ROPN1B: variants seen among roughly 807,000 people sequenced by gnomAD.
ROPN1B encodes the protein ropporin-1B.
In ROPN1B, 13 loss-of-function variants were observed where a neutral mutation model predicts 23.7. That is an observed-to-expected ratio of 0.55 (90% CI 0.36 to 0.87). The LOEUF (loss-of-function observed/expected upper bound fraction) is 0.87. ROPN1B is among the 40% of genes least tolerant of loss of function. The probability of loss-of-function intolerance (pLI) is 0.01; values close to 1 mark genes in which losing one functional copy is unlikely to be tolerated. For missense variants in ROPN1B, 183 were observed against 249.2 expected, an observed-to-expected ratio of 0.73 and a Z score of 1.79; for synonymous variants, 67 against 100.4, an observed-to-expected ratio of 0.67 and a Z score of 1.99.
At chr3:125,973,481 CTAATT>C (rs2107600079) in intron 3 of ROPN1B, 1 of 169,754 alleles carries the variant, frequency 5.9e-6, no homozygotes, top group South Asian at 1.3e-4. Flanking sequence ...CTTCAGAAGA[CTAATT>C]TATTTTGGCA....
intron 5 of ROPN1B, among the ~76,000 whole-genome samples, chr3:125,980,196 AC>A (rs1390958391): frequency 6.6e-6 from 1 of 152,242 alleles, no homozygotes; most frequent in Non-Finnish European, 1.5e-5. Flanking sequence ...ATGTCAGTTT[AC>A]CAAATAGCTC....
intron 3 of ROPN1B, among the ~76,000 whole-genome samples, chr3:125,974,926 G>A (rs183495027): frequency 2.6e-5 from 4 of 152,024 alleles, no homozygotes; most frequent in East Asian, 1.9e-4. Context: ...CACTACATAC[G>A]GCCAGAAATC....
At chr3:125,979,381 C>T (rs73861614) in intron 5 of ROPN1B, among the ~76,000 whole-genome samples, 3,335 of 152,226 alleles carry the variant, frequency 0.022, 97 homozygotes, top group East Asian at 0.15. Flanking sequence ...ATCTCAACTT[C>T]CAAGATGATG....
At chr3:125,969,657 T>C (rs1248410681) in intron 1 of ROPN1B, 3 of 149,952 alleles carry the variant, frequency 2.0e-5, no homozygotes, top group South Asian at 2.1e-4. Context: ...CGGAGGACAG[T>C]GGTTGGGAGG....
intron 3 of ROPN1B, chr3:125,973,306 T>A (rs1341216658): frequency 3.2e-6 from 1 of 311,820 alleles, no homozygotes; most frequent in Non-Finnish European, 6.3e-6. Context: ...TGGGCCAGTG[T>A]TGTGCTCCTG....
intron 5 of ROPN1B, among the ~76,000 whole-genome samples, chr3:125,981,890 T>C (rs1269563261): frequency 6.6e-6 from 1 of 152,150 alleles, no homozygotes; most frequent in Non-Finnish European, 1.5e-5. Context: ...GCTAGACCAT[T>C]TATCTCAGCC....
At position 125,982,334 on chromosome 3, in the gene ROPN1B, C is replaced by T. The variant is rs774828048; in HGVS notation, c.461C>T (p.Pro154Leu). The T allele has an allele frequency of 1.9e-6, 3 of 1,613,142 alleles. No individual in the cohort carries two copies. In the African/African-American group the frequency reaches 4.0e-5, roughly 22 times the overall value. ...VLSCDHNGGL[P>L]RIPFSTFQFL... ...TCATGTGACCACAATGGTGGGTTGCCCCGAATCCCATTCAGCACCTTCCAG... is the reference window on the plus strand; with the variant it reads ...TCATGTGACCACAATGGTGGGTTGCTCCGAATCCCATTCAGCACCTTCCAG... The change falls in exon 6 of 7, where the codon CCC (proline) becomes CTC (leucine). Residue 154 changes from proline to leucine, a missense_variant. Around this residue, in one of 3 missense-constraint regions of ROPN1B, gnomAD observed 80 missense variants for 98.0 expected, o/e 0.82. Transcript: ENST00000514116.
chr3:125,978,701 C>A (rs1938509021), intron 5 of ROPN1B, among the ~76,000 whole-genome samples: 1 of 152,146 alleles, frequency 6.6e-6, no homozygotes, highest in Admixed American at 6.5e-5. Context: ...TCTGAGGATG[C>A]CTCCCGAGCT....
Position 125,975,619 on chromosome 3 carries a change from G to A in ROPN1B, c.173G>A (p.Arg58Gln), listed in dbSNP as rs929066469. The A allele has an allele frequency of 1.3e-5, 21 of 1,614,018 alleles. No individual in the cohort carries two copies. Among genetic ancestry groups the A allele is most frequent in the African/African-American group, 5.3e-5 (4 of 74,908 alleles). ...ETPPVRERSE[R>Q]VALCNWAELT... is the part of the protein sequence containing the mutation. Reference sequence around the variant, plus strand: ...CCTCCGGTGAGAGAGCGGTCTGAGCGAGTCGCTTTGTGTAACTGGGCAGAG... The same window carrying A: ...CCTCCGGTGAGAGAGCGGTCTGAGCAAGTCGCTTTGTGTAACTGGGCAGAG... Residue 58 changes from arginine (R) to glutamine (Q), a missense_variant, in exon 4 of 7, where the codon CGA (arginine) becomes CAA (glutamine). Around this residue, in one of 3 missense-constraint regions of ROPN1B, gnomAD observed 97 missense variants for 99.6 expected, o/e 0.97. Transcript: ENST00000514116.
chr3:125,978,065 T>C (rs1185158263), intron 5 of ROPN1B: 1 of 152,226 alleles, frequency 6.6e-6, no homozygotes, highest in Non-Finnish European at 1.5e-5. Flanking sequence ...AGTCCAACTT[T>C]TCCTATAGCT....
intron 1 of ROPN1B, among the ~76,000 whole-genome samples, 196 bp from the exon 2 acceptor site, chr3:125,970,921 C>T (rs375443841): frequency 1.3e-5 from 2 of 152,286 alleles, no homozygotes; most frequent in African/African-American, 2.4e-5. Context: ...TGTTTCTCTC[C>T]TGACTAGAAG....
chr3:125,983,389 A>G lies in ROPN1B; in HGVS notation c.*69A>G. On this transcript the variant is annotated 3_prime_UTR_variant, in exon 7 of 7. Transcript: ENST00000514116. ...GTACTTCAGAATGATAAACCCATAT[A>G]CCACCTAAAATCAATTTTCTTGTAC... 9.6e-7 allele frequency: 1 copy of G among 1,044,956 alleles called. No homozygotes were observed. Among genetic ancestry groups the G allele is most frequent in the Non-Finnish European group, 1.5e-6 (1 of 666,090 alleles). 64.7% of individuals were successfully genotyped at this position (1,044,956 alleles called of 1,614,324 possible). A position where few individuals can be genotyped will look rare whatever the true frequency, so the allele number is the denominator to read the frequency against.
At position 125,972,162 on chromosome 3, in the gene ROPN1B, G is replaced by A; in HGVS notation, c.108G>A (p.Trp36Ter). The A allele has an allele frequency of 6.2e-7, 1 of 1,614,208 alleles. No individual in the cohort carries two copies. The highest frequency in any genetic ancestry group is 1.1e-5 in the South Asian group (1 of 91,082). Residue 36 changes from tryptophan (W) to a stop codon, truncating the protein, a stop_gained, in exon 3 of 7, where the codon TGG (tryptophan) becomes TGA (stop). Coordinates refer to ENST00000514116, the MANE Select transcript of ROPN1B (RefSeq NM_001308313.2). LOFTEE classifies it high-confidence loss of function. ...CGCAGCCGCAGGACCTCATCCAGTG[G>A]GGGGCCGAGTACGTGCTCCTTTCTC... Reference protein sequence around the residue: ...IRAQPQDLIQWGADYFEALSR... With the variant: ...IRAQPQDLIQ
chr3:125,970,947 G>A (rs1292182727), intron 1 of ROPN1B, among the ~76,000 whole-genome samples, 170 bp from the exon 2 acceptor site: 1 of 152,108 alleles, frequency 6.6e-6, no homozygotes, highest in Admixed American at 6.5e-5. Flanking sequence ...ATGGAGACAG[G>A]TTTCTTTGTT....
chr3:125,983,282 A>G lies in ROPN1B; in HGVS notation c.601A>G (p.Asn201Asp), dbSNP rs754643105. 1 of 1,613,790 alleles carries G rather than the reference A, an allele frequency of 6.2e-7. No homozygotes were observed. Among genetic ancestry groups the G allele is most frequent in the South Asian group, 1.1e-5 (1 of 91,056 alleles). The change falls in exon 7 of 7, where the codon AAT becomes GAT. Residue 201 changes from asparagine to aspartate, a missense_variant. Around this residue, in one of 3 missense-constraint regions of ROPN1B, gnomAD observed 80 missense variants for 98.0 expected, o/e 0.82. Transcript: ENST00000514116. ...TGGTCCTGATGGTTTAATCACGGTG[A>G]ATGACTTTACCCAAAACCCCAGGGT... ...VIGPDGLITVNDFTQNPRVWL... is the reference protein window; with the variant it reads ...VIGPDGLITVDDFTQNPRVWL...
chr3:125,983,315 G>A lies in ROPN1B; in HGVS notation c.634G>A (p.Glu212Lys). ...DFTQNPRVWL[E>K] ...TACCCAAAACCCCAGGGTTTGGCTGGAGTAACAGCACAATTTTGGCAATTT... is the reference window on the plus strand; with the variant it reads ...TACCCAAAACCCCAGGGTTTGGCTGAAGTAACAGCACAATTTTGGCAATTT... Residue 212 changes from glutamate to lysine, a missense_variant, in exon 7 of 7, where the codon GAG (glutamate) becomes AAG (lysine). Glu to Lys is a moderately conservative substitution (Grantham distance 56). Transcript: ENST00000514116. The A allele has an allele frequency of 6.2e-7, 1 of 1,612,546 alleles. No homozygotes were observed. Among genetic ancestry groups the A allele is most frequent in the Non-Finnish European group, 8.5e-7 (1 of 1,178,670 alleles).
rs138282395 is a variant in ROPN1B, at chr3:125,975,624, G to C, written c.178G>C (p.Ala60Pro). Reference protein sequence around the residue: ...PPVRERSERVALCNWAELTPE... With the variant: ...PPVRERSERVPLCNWAELTPE... The stretch of plus-strand genomic sequence containing the variant: ...GGTGAGAGAGCGGTCTGAGCGAGTC[G>C]CTTTGTGTAACTGGGCAGAGCTAAC... The change falls in exon 4 of 7, where the codon GCT (alanine) becomes CCT (proline). Residue 60 changes from alanine (A) to proline (P), a missense_variant. Coordinates refer to ENST00000514116, the MANE Select transcript of ROPN1B (RefSeq NM_001308313.2). 2.5e-6 allele frequency: 4 copies of C among 1,613,956 alleles called. No homozygotes were observed. The highest frequency in any genetic ancestry group is 3.3e-5 in the Admixed American group (2 of 60,000).
At chr3:125,975,364 C>T (rs923036058) in intron 3 of ROPN1B, 199 bp from the exon 4 acceptor site, 24 of 457,702 alleles carry the variant, frequency 5.2e-5, no homozygotes, top group Non-Finnish European at 8.5e-5. Flanking sequence ...TCTAAGCATT[C>T]TCTGTGCCCT....
intron 5 of ROPN1B, chr3:125,977,402 G>A: frequency 1.8e-6 from 1 of 562,106 alleles, no homozygotes; most frequent in Non-Finnish European, 3.2e-6. Context: ...GTTGACTACA[G>A]TGTAGCTCTT....
Sources: allele counts gnomAD v4.1 joint callset (sites outside exome capture counted in the v4.1 genomes callset), GRCh38; gene constraint gnomAD v4.1.1; regional missense constraint gnomAD v4.1.1; transcripts MANE v1.5; gene names NCBI Gene and HGNC (gene_info 2026-07-23, HGNC 2026-07-21).